Variants in FHIT observed in about 807,000 individuals in gnomAD.
FHIT encodes the protein fragile histidine triad diadenosine triphosphatase, also known as bis(5'-adenosyl)-triphosphatase.
A neutral mutation model predicts 17.9 loss-of-function variants in FHIT; 19 were observed. The observed-to-expected ratio is 1.06, with a 90% CI of 0.74 to 1.56. FHIT has a LOEUF of 1.56. Among genes scored for constraint, FHIT ranks in the 40% most tolerant of loss-of-function variants. The pLI is 0.00. For missense variants in FHIT, 248 were observed against 189.2 expected (o/e 1.31, Z -1.82); for synonymous variants, 81 against 69.7 (o/e 1.16, Z -0.81).
At chr3:60,930,407 A>G (rs1707887304) in intron 3 of FHIT, among the ~76,000 whole-genome samples, 1 of 152,232 alleles carries the variant, frequency 6.6e-6, no homozygotes, top group Non-Finnish European at 1.5e-5. Flanking sequence ...AGCAAAAGAA[A>G]CTACCATCAG....
intron 4 of FHIT, among the ~76,000 whole-genome samples, chr3:60,607,066 G>A (rs566859198): frequency 5.3e-5 from 8 of 152,086 alleles, no homozygotes; most frequent in South Asian, 4.2e-4. Flanking sequence ...AGCTAAAGCC[G>A]GGTTCTCTAT....
At chr3:60,185,247 G>A (rs994019295) in intron 5 of FHIT, among the ~76,000 whole-genome samples, 2 of 151,842 alleles carry the variant, frequency 1.3e-5, no homozygotes, top group African/African-American at 4.8e-5. Flanking sequence ...TAGTTTCATG[G>A]TGTGGGGAAA....
intron 5 of FHIT, among the ~76,000 whole-genome samples, chr3:60,323,981 T>G (rs1273659655): frequency 1.2e-5 from 1 of 83,862 alleles, no homozygotes; most frequent in African/African-American, 6.3e-5. Flanking sequence ...AACACCAAGG[T>G]AGGGCAGTTT....
intron 8 of FHIT, among the ~76,000 whole-genome samples, chr3:59,760,210 TATTA>T (rs1701436902): frequency 6.6e-6 from 1 of 152,210 alleles, no homozygotes. Flanking sequence ...TAAGCTCTTA[TATTA>T]ATTAGTGGCA....
chr3:60,123,995 TATATATATATATATAGAGAGAGAG>T (rs1559653531), intron 5 of FHIT, among the ~76,000 whole-genome samples: 1 of 36,672 alleles, frequency 2.7e-5, no homozygotes, highest in Non-Finnish European at 5.5e-5. Context: ...TATATATATA[TATATATATATATATAGAGAGAGAG>T]AGAGAGAGAG....
chr3:60,004,064 T>C (rs1450221345), intron 7 of FHIT, among the ~76,000 whole-genome samples: 2 of 152,108 alleles, frequency 1.3e-5, no homozygotes, highest in African/African-American at 4.8e-5. Flanking sequence ...TAGTATCCTA[T>C]AGCAAAATGA....
intron 3 of FHIT, among the ~76,000 whole-genome samples, chr3:60,983,917 G>C (rs1382921456): frequency 1.3e-5 from 2 of 151,262 alleles, no homozygotes; most frequent in African/African-American, 4.8e-5. Flanking sequence ...AATGATGACA[G>C]CATAAGATAA....
chr3:60,341,624 G>T (rs1169302862), intron 5 of FHIT, among the ~76,000 whole-genome samples: 1 of 152,026 alleles, frequency 6.6e-6, no homozygotes, highest in Non-Finnish European at 1.5e-5. Flanking sequence ...CTGAAGGTAG[G>T]AAATGCTATA....
intron 5 of FHIT, among the ~76,000 whole-genome samples, chr3:60,433,065 A>T (rs1381686940): frequency 6.6e-6 from 1 of 152,046 alleles, no homozygotes; most frequent in African/African-American, 2.4e-5. Flanking sequence ...TATATCTGTC[A>T]GACAGAAACT....
chr3:60,480,372 T>G (rs907995815), intron 5 of FHIT, among the ~76,000 whole-genome samples: 1 of 152,180 alleles, frequency 6.6e-6, no homozygotes, highest in African/African-American at 2.4e-5. Flanking sequence ...CCCTCTCAAA[T>G]CTCATGTCCT....
chr3:61,236,558 G>T (rs557001233), intron 1 of FHIT, among the ~76,000 whole-genome samples: 72 of 152,270 alleles, frequency 4.7e-4, no homozygotes, highest in Non-Finnish European at 9.4e-4. Context: ...CCAGGTCACA[G>T]AATGTTGGAG....
At chr3:61,082,708 C>T (rs2035179599) in intron 2 of FHIT, among the ~76,000 whole-genome samples, 2 of 152,200 alleles carry the variant, frequency 1.3e-5, no homozygotes, top group African/African-American at 4.8e-5. Flanking sequence ...TTAGTATTAT[C>T]AATCTTCTTT....
rs190680709 is a variant in FHIT at position 59,928,724 on chromosome 3, C to T, written c.280-6310G>A. 3.2e-3 allele frequency among the ~76,000 whole-genome samples: 482 copies of T among 152,228 alleles called. 4 individuals are homozygous for T. Among genetic ancestry groups the T allele is most frequent in the Middle Eastern group, 0.024 (7 of 294 alleles). On this transcript the variant is annotated intron_variant, in intron 7 of 9. Transcript: ENST00000492590. ...ATAAAAAGGACAGATAGGCCGGGTG[C>T]GGCGGCTCACGCCTGTAATCCCAGC... is the stretch of plus-strand genomic sequence containing the variant.
Position 60,793,659 on chromosome 3 carries a change from CAAG to C in FHIT, c.-18+28257_-18+28259del, listed in dbSNP as rs143829065. On this transcript the variant is annotated intron_variant, in intron 4 of 9. Transcript: ENST00000492590. Reference sequence around the variant, plus strand: ...CCAAGAAAAACTGCTTACAGCGTGGCAAGAAGTAGAACAGGGAAAGGCAAGAAG... The same window carrying C: ...CCAAGAAAAACTGCTTACAGCGTGGCAAGTAGAACAGGGAAAGGCAAGAAG... Among the ~76,000 whole-genome samples the C allele has an allele frequency of 8.6e-3, 1,309 of 152,258 alleles. 23 individuals carry two copies. Among genetic ancestry groups the C allele is most frequent in the African/African-American group, 0.029 (1,212 of 41,550 alleles).
At chr3:60,271,944 G>T (rs542562594) in intron 5 of FHIT, among the ~76,000 whole-genome samples, 1 of 152,262 alleles carries the variant, frequency 6.6e-6, no homozygotes, top group Non-Finnish European at 1.5e-5. Context: ...TATGTACATT[G>T]TTTCATTAAA....
chr3:61,211,214 G>A (rs541916298), intron 1 of FHIT, among the ~76,000 whole-genome samples: 7 of 152,028 alleles, frequency 4.6e-5, no homozygotes, highest in African/African-American at 9.6e-5. Context: ...TGCCTCACTC[G>A]GGAAGTGCAA....
At chr3:61,051,452 G>A (rs1375422934) in intron 2 of FHIT, among the ~76,000 whole-genome samples, 2 of 151,996 alleles carry the variant, frequency 1.3e-5, no homozygotes, top group African/African-American at 4.8e-5. Flanking sequence ...GCTTCACCAT[G>A]TTGCCCAGGC....
At chr3:60,572,004 T>G (rs2037400780) in intron 4 of FHIT, among the ~76,000 whole-genome samples, 3 of 152,266 alleles carry the variant, frequency 2.0e-5, no homozygotes, top group South Asian at 4.2e-4. Flanking sequence ...CAAGGTAGTG[T>G]TTCCCAAGGT....
At chr3:60,465,225 T>A (rs867322771) in intron 5 of FHIT, among the ~76,000 whole-genome samples, 1 of 151,340 alleles carries the variant, frequency 6.6e-6, no homozygotes, top group Non-Finnish European at 1.5e-5. Flanking sequence ...TTATTAGATT[T>A]TTTTTCCTAT....
Sources: allele counts gnomAD v4.1 joint callset (sites outside exome capture counted in the v4.1 genomes callset), GRCh38; gene constraint gnomAD v4.1.1; transcripts MANE v1.5; gene names NCBI Gene and HGNC (gene_info 2026-07-23, HGNC 2026-07-21).